ENOX1: variants seen among roughly 807,000 people sequenced by gnomAD.
ENOX1 encodes ecto-NOX disulfide-thiol exchanger 1.
ENOX1 carries 42 observed loss-of-function variants against 82.5 expected under a neutral mutation model. That is an observed-to-expected ratio of 0.51 (90% confidence interval 0.40 to 0.66). The LOEUF (loss-of-function observed/expected upper bound fraction) is 0.66, where lower values mean the gene tolerates loss of function less well. Ranked by LOEUF, ENOX1 falls within the 30% of genes least tolerant of loss-of-function variation. The probability of loss-of-function intolerance (pLI) is 0.00; values close to 1 mark genes in which losing one functional copy is unlikely to be tolerated. For missense variants in ENOX1, 608 were observed against 811.6 expected (o/e 0.75, Z 3.05); for synonymous variants, 271 against 282.2 (o/e 0.96, Z 0.40).
chr13:43,658,861 A>G (rs901943586), intron 2 of ENOX1, among the ~76,000 whole-genome samples: 3 of 152,186 alleles, frequency 2.0e-5, no homozygotes, highest in Non-Finnish European at 4.4e-5. Context: ...ATTGGACCAC[A>G]TTCTAGTGTT....
chr13:43,299,557 T>C (rs1452280236), intron 11 of ENOX1, among the ~76,000 whole-genome samples: 1 of 152,160 alleles, frequency 6.6e-6, no homozygotes, highest in Non-Finnish European at 1.5e-5. Context: ...ACAAAGTAAG[T>C]AGCAGAAAGC....
chr13:43,754,235 A>G (rs1307153287), intron 1 of ENOX1, among the ~76,000 whole-genome samples: 1 of 148,528 alleles, frequency 6.7e-6, no homozygotes, highest in East Asian at 2.0e-4. Flanking sequence ...ATGTGTATAC[A>G]TATGTATATA....
intron 5 of ENOX1, among the ~76,000 whole-genome samples, chr13:43,397,244 AC>A (rs1307727789): frequency 6.6e-6 from 1 of 152,226 alleles, no homozygotes; most frequent in African/African-American, 2.4e-5. Flanking sequence ...GTATTTCCTC[AC>A]AGCTGGGGAT....
intron 2 of ENOX1, among the ~76,000 whole-genome samples, chr13:43,619,483 C>CT (rs1359360810): frequency 1.3e-5 from 2 of 151,258 alleles, no homozygotes; most frequent in African/African-American, 2.4e-5. Flanking sequence ...TTTTCAAATG[C>CT]TTTTTTTTGC....
chr13:43,303,756 T>C (rs905306920), intron 11 of ENOX1, among the ~76,000 whole-genome samples: 1 of 152,174 alleles, frequency 6.6e-6, no homozygotes, highest in Non-Finnish European at 1.5e-5. Flanking sequence ...TGGCCTGCAT[T>C]ACAAGCTCCT....
chr13:43,510,194 A>G (rs763083727), intron 2 of ENOX1, among the ~76,000 whole-genome samples: 4 of 152,102 alleles, frequency 2.6e-5, no homozygotes, highest in Non-Finnish European at 4.4e-5. Flanking sequence ...CTCCAGATCA[A>G]TCCATGTGAG....
intron 11 of ENOX1, among the ~76,000 whole-genome samples, chr13:43,305,986 C>A (rs1566469857): frequency 6.6e-6 from 1 of 152,170 alleles, no homozygotes; most frequent in Non-Finnish European, 1.5e-5. Flanking sequence ...CAGCTCCCAG[C>A]CCAGCCGCAG....
At chr13:43,416,860 C>A (rs113274355) in intron 3 of ENOX1, among the ~76,000 whole-genome samples, 1 of 152,148 alleles carries the variant, frequency 6.6e-6, no homozygotes, top group Admixed American at 6.5e-5. Flanking sequence ...CAAGGCAGGC[C>A]GCTGGGAGGT....
In ENOX1 at chr13:43,392,125, C is replaced by A. The variant is rs568620711; in HGVS notation, c.208+19791G>T. ...AATCTCAGTTTAAATTTAGTCTCCA[C>A]AAAGACACTGTTCGTGGTTACCTGA... On this transcript the variant is annotated intron_variant, in intron 5 of 16. Transcript: ENST00000690772. 1.6e-3 allele frequency among the ~76,000 whole-genome samples: 242 copies of A among 152,300 alleles called. 3 individuals are homozygous for A. Among genetic ancestry groups the A allele is most frequent in the Non-Finnish European group, 1.2e-3 (79 of 68,024 alleles).
chr13:43,305,887 G>C (rs1215159636), intron 11 of ENOX1, among the ~76,000 whole-genome samples: 1 of 152,234 alleles, frequency 6.6e-6, no homozygotes, highest in Non-Finnish European at 1.5e-5. Flanking sequence ...AGTGAACGCT[G>C]CAAGCATGAG....
intron 3 of ENOX1, chr13:43,458,618 G>A (rs554136619): frequency 1.3e-5 from 2 of 152,124 alleles, no homozygotes; most frequent in African/African-American, 4.8e-5. Context: ...ATATAAGTAG[G>A]GGAAAGGGAG....
chr13:43,249,221 G>C (rs1239894544), intron 14 of ENOX1, among the ~76,000 whole-genome samples: 3 of 152,066 alleles, frequency 2.0e-5, no homozygotes, highest in African/African-American at 7.2e-5. Flanking sequence ...AACTGTTGTA[G>C]TATTTTATTT....
chr13:43,337,938 T>C (rs1487831453), intron 9 of ENOX1, among the ~76,000 whole-genome samples: 1 of 152,174 alleles, frequency 6.6e-6, no homozygotes, highest in Admixed American at 6.5e-5. Context: ...CATTCTATAA[T>C]TTCTGCTTTT....
intron 1 of ENOX1, among the ~76,000 whole-genome samples, chr13:43,712,141 G>A (rs1394803539): frequency 6.1e-5 from 9 of 148,098 alleles, no homozygotes; most frequent in Non-Finnish European, 1.1e-4. Flanking sequence ...TCTACATACG[G>A]CTAGCCAGTT....
At chr13:43,631,480 G>A (rs960265534) in intron 2 of ENOX1, among the ~76,000 whole-genome samples, 10 of 152,142 alleles carry the variant, frequency 6.6e-5, no homozygotes, top group Admixed American at 2.6e-4. Context: ...CTTCTGCTCC[G>A]AGAAGAACTG....
chr13:43,678,495 G>A (rs1238021635), intron 1 of ENOX1, among the ~76,000 whole-genome samples: 1 of 152,180 alleles, frequency 6.6e-6, no homozygotes. Flanking sequence ...ATACATACAT[G>A]AATGAATGCA....
At chr13:43,439,937 G>A (rs908544857) in intron 3 of ENOX1, among the ~76,000 whole-genome samples, 4 of 152,132 alleles carry the variant, frequency 2.6e-5, no homozygotes, top group African/African-American at 7.2e-5. Flanking sequence ...TCAGAAAATG[G>A]TTTCAGAAAT....
intron 1 of ENOX1, among the ~76,000 whole-genome samples, chr13:43,684,965 G>T (rs918780793): frequency 6.6e-6 from 1 of 152,160 alleles, no homozygotes; most frequent in Non-Finnish European, 1.5e-5. Flanking sequence ...CAAAGAAGTA[G>T]TATTTAGAAT....
chr13:43,710,350 GA>G (rs994180155), intron 1 of ENOX1, among the ~76,000 whole-genome samples: 3 of 151,926 alleles, frequency 2.0e-5, no homozygotes, highest in South Asian at 2.1e-4. Flanking sequence ...TAGATTAAAT[GA>G]AAAAAATCAC....
Sources: gnomAD v4.1 joint callset for allele counts (sites outside exome capture counted in the v4.1 genomes callset) on GRCh38, gnomAD v4.1.1 for gene constraint, MANE v1.5 for transcripts, NCBI Gene and HGNC (gene_info 2026-07-23, HGNC 2026-07-21) for gene names.